ECI1: variants seen among roughly 807,000 people sequenced by gnomAD.
ECI1 encodes enoyl-CoA delta isomerase 1, mitochondrial.
In ECI1, 34 loss-of-function variants were observed where a neutral mutation model predicts 34.2. The observed-to-expected ratio is 1.00, with a 90% CI of 0.76 to 1.33. The LOEUF (loss-of-function observed/expected upper bound fraction) is 1.33. Ranked by LOEUF, ECI1 falls within the 40% of genes most tolerant of loss-of-function variation. The pLI, the probability that ECI1 is intolerant of heterozygous loss-of-function variation, is 0.00. For synonymous variants in ECI1, 211 were observed against 193.0 expected, an observed-to-expected ratio of 1.09 and a Z score of -0.77; for missense variants, 456 against 422.2, an observed-to-expected ratio of 1.08 and a Z score of -0.70.
At position 2,251,583 on chromosome 16, in the gene ECI1, G is replaced by T. The variant is rs1266723172; in HGVS notation, c.-17C>A. On this transcript the variant is annotated 5_prime_UTR_variant, in exon 1 of 7. Coordinates refer to ENST00000301729, the MANE Select transcript of ECI1 (RefSeq NM_001919.4). ...CAGCGCCATCTTGACCGCAACGCGCGGGATAAAGGTCGCGGGCTGAGCTCG... is the reference window on the plus strand; with the variant it reads ...CAGCGCCATCTTGACCGCAACGCGCTGGATAAAGGTCGCGGGCTGAGCTCG... 3.2e-6 allele frequency: 5 copies of T among 1,551,590 alleles called. No individual in the cohort carries two copies. The highest frequency in any genetic ancestry group is 4.4e-6 in the Non-Finnish European group (5 of 1,148,404).
chr16:2,251,380 G>A lies in ECI1; in HGVS notation c.102C>T (p.Gly34=), dbSNP rs1249094794. ...AALGRTERAA[G]GGDGARRFGS... is the part of the protein sequence containing the mutation. ...CGAAGCGCCGCGCGCCGTCTCCGCCGCCGGCCGCCCGCTCCGTCCGCCCGA... is the reference window on the plus strand; with the variant it reads ...CGAAGCGCCGCGCGCCGTCTCCGCCACCGGCCGCCCGCTCCGTCCGCCCGA... The change falls in exon 2 of 7, where the codon GGC becomes GGT. Residue 34 remains glycine, a synonymous_variant. Coordinates refer to ENST00000301729, the MANE Select transcript of ECI1 (RefSeq NM_001919.4). 9.6e-6 allele frequency: 12 copies of A among 1,251,752 alleles called. No homozygotes were observed. The allele number at this position is 1,251,752 out of a possible 1,614,324, so 77.5% of individuals were successfully genotyped here. A position where few individuals can be genotyped will look rare whatever the true frequency, so the allele number is the denominator to read the frequency against.
chr16:2,241,606 A>T (rs1224307622), intron 6 of ECI1: 1 of 152,188 alleles, frequency 6.6e-6, no homozygotes, highest in Non-Finnish European at 1.5e-5. Flanking sequence ...TGGTTTTTAC[A>T]TTTTTGAATA....
At chr16:2,247,085 G>C in intron 2 of ECI1, 99 bp from the exon 3 acceptor site, 1 of 1,418,648 alleles carries the variant, frequency 7.0e-7, no homozygotes. Context: ...TGTGCATTTT[G>C]GGGGTTTTAT....
intron 4 of ECI1, 103 bp downstream of exon 4, chr16:2,244,303 C>T (rs2093534984): frequency 2.9e-6 from 4 of 1,372,506 alleles, no homozygotes; most frequent in Non-Finnish European, 4.1e-6. Context: ...TCCAACCGTC[C>T]CCTTCCCCTG....
intron 4 of ECI1, chr16:2,244,185 C>G: frequency 1.6e-6 from 1 of 607,126 alleles, no homozygotes; most frequent in Non-Finnish European, 2.9e-6. Flanking sequence ...TGGCTCTTTT[C>G]TGGGTCTTGT....
chr16:2,249,954 G>C (rs2093549234), intron 2 of ECI1, among the ~76,000 whole-genome samples: 1 of 142,786 alleles, frequency 7.0e-6, no homozygotes, highest in African/African-American at 2.6e-5. Flanking sequence ...TGAGATTGCA[G>C]TGAGCCGGAA....
intron 2 of ECI1, among the ~76,000 whole-genome samples, chr16:2,251,061 C>T (rs1202291386): frequency 1.3e-5 from 2 of 152,208 alleles, no homozygotes; most frequent in Non-Finnish European, 2.9e-5. Flanking sequence ...CTCAGGTGAT[C>T]CGCCCGCCTC....
At chr16:2,246,063 G>T (rs761881333) in intron 3 of ECI1, among the ~76,000 whole-genome samples, 2 of 152,118 alleles carry the variant, frequency 1.3e-5, no homozygotes, top group Non-Finnish European at 2.9e-5. Flanking sequence ...GTAAAGCCAC[G>T]CCAGCCTCCG....
intron 6 of ECI1, chr16:2,242,370 AG>A (rs1043217288): frequency 1.3e-5 from 2 of 153,028 alleles, no homozygotes; most frequent in African/African-American, 4.8e-5. Context: ...TCTGCTACAA[AG>A]GTCTTACCTA....
intron 2 of ECI1, 61 bp downstream of exon 2, chr16:2,251,255 G>A (rs763873346): frequency 4.8e-6 from 4 of 839,710 alleles, no homozygotes; most frequent in Non-Finnish European, 6.1e-6. Context: ...AGCACCCCGC[G>A]AGCGCGGACC....
chr16:2,246,009 A>C (rs2093539320), intron 3 of ECI1, among the ~76,000 whole-genome samples: 1 of 152,130 alleles, frequency 6.6e-6, no homozygotes, highest in African/African-American at 2.4e-5. Flanking sequence ...TGGGAGGCCG[A>C]GGTGGGCAGA....
chr16:2,247,245 C>T (rs1255037481), intron 2 of ECI1, among the ~76,000 whole-genome samples: 2 of 151,522 alleles, frequency 1.3e-5, no homozygotes, highest in African/African-American at 4.9e-5. Context: ...TACAGGTGCC[C>T]ACCACCACGC....
Position 2,244,564 on chromosome 16 carries a change from G to A in ECI1, c.295-12C>T, listed in dbSNP as rs560267973. On this transcript the variant is annotated splice_polypyrimidine_tract_variant and intron_variant, in intron 3 of 6. Coordinates refer to ENST00000301729, the MANE Select transcript of ECI1 (RefSeq NM_001919.4). ...ACACCCGGGCGGTCCTGCAGGGGGA[G>A]CCGGGGCCACATGCCCATCAGAGTC... 12 of 1,573,182 alleles carry A rather than the reference G, an allele frequency of 7.6e-6. No individual in the cohort carries two copies. In the African/African-American group the frequency reaches 1.1e-4, roughly 14 times the overall value.
At chr16:2,241,682 T>C (rs2093528438) in intron 6 of ECI1, 1 of 151,896 alleles carries the variant, frequency 6.6e-6, no homozygotes, top group South Asian at 2.1e-4. Flanking sequence ...CAAATTTCAG[T>C]GTCCATAAAA....
chr16:2,247,032 A>G, intron 2 of ECI1, 46 bp from the exon 3 acceptor site: 1 of 1,604,584 alleles, frequency 6.2e-7, no homozygotes, highest in Non-Finnish European at 8.5e-7. Flanking sequence ...GGCACTGGAA[A>G]AGCAGCCTGA....
intron 2 of ECI1, among the ~76,000 whole-genome samples, chr16:2,250,105 CA>C (rs796742895): frequency 6.8e-6 from 1 of 147,544 alleles, no homozygotes; most frequent in Non-Finnish European, 1.5e-5. Flanking sequence ...TCAGTTTTTA[CA>C]AAAATTAGTG....
chr16:2,243,490 A>G (rs1453730417), intron 4 of ECI1, 51 bp from the exon 5 acceptor site: 1 of 1,602,522 alleles, frequency 6.2e-7, no homozygotes, highest in Non-Finnish European at 8.5e-7. Context: ...TCCCAACCAC[A>G]TTCCAGAGGG....
At chr16:2,247,863 C>T (rs1377063545) in intron 2 of ECI1, among the ~76,000 whole-genome samples, 2 of 151,728 alleles carry the variant, frequency 1.3e-5, no homozygotes, top group Non-Finnish European at 2.9e-5. Flanking sequence ...AGCGCCACCA[C>T]ACCCAGTTAA....
intron 2 of ECI1, among the ~76,000 whole-genome samples, chr16:2,249,876 CA>C (rs869259386): frequency 0.013 from 269 of 20,274 alleles, no homozygotes; most frequent in African/African-American, 0.057. Flanking sequence ...GACTCCGTCT[CA>C]AAAAAAAAAA....
Sources: allele counts gnomAD v4.1 joint callset (sites outside exome capture counted in the v4.1 genomes callset), GRCh38; gene constraint gnomAD v4.1.1; transcripts MANE v1.5; gene names NCBI Gene and HGNC (gene_info 2026-07-23, HGNC 2026-07-21).